Variants in GLI3 observed in about 807,000 individuals in gnomAD.
GLI3 encodes the protein GLI family zinc finger 3, also known as transcription activator GLI3.
Under a neutral mutation model 100.8 loss-of-function variants are expected in GLI3, and 20 were observed. The observed-to-expected ratio is 0.20, with a 90% CI of 0.14 to 0.29. GLI3 has a LOEUF of 0.29. Ranked by LOEUF, GLI3 falls within the 10% of genes least tolerant of loss-of-function variation. The pLI is 1.00. For missense variants in GLI3, 2,040 were observed against 2,128.5 expected (o/e 0.96, Z 0.82); for synonymous variants, 938 against 860.5 (o/e 1.09, Z -1.58).
chr7:41,997,318 C>T (rs1053448278), intron 10 of GLI3, among the ~76,000 whole-genome samples: 36 of 151,958 alleles, frequency 2.4e-4, no homozygotes, highest in Non-Finnish European at 4.1e-4. Context: ...AATTTTACAA[C>T]ACCCTTAAAA....
chr7:42,113,536 T>C (rs1785769613), intron 3 of GLI3: 2 of 1,178,716 alleles, frequency 1.7e-6, no homozygotes, highest in Non-Finnish European at 2.5e-6. Context: ...AAGCTGATGC[T>C]GGCAAGGAGG....
rs548577021 is a variant in GLI3, at chr7:42,085,072, C to T, written c.368-8215G>A. On this transcript the variant is annotated intron_variant, in intron 3 of 14. Transcript: ENST00000395925. ...GATTACAGGTGCCCACCACCACGCC[C>T]GGCTAATTTTTGTATTTTTAGTAGA... Among the ~76,000 whole-genome samples the T allele has an allele frequency of 2.4e-4, 36 of 151,854 alleles. 1 individual carries two copies. The South Asian group carries it at 4.4e-3, about 18-fold the overall frequency.
At position 42,068,702 on chromosome 7, in the gene GLI3, C is replaced by T. The variant is rs900757612; in HGVS notation, c.473+8050G>A. Among the ~76,000 whole-genome samples the T allele has an allele frequency of 3.0e-4, 46 of 152,220 alleles. 1 individual carries two copies. Among genetic ancestry groups the T allele is most frequent in the African/African-American group, 9.6e-4 (40 of 41,538 alleles). ...GGCCTTTGTTCCCCCGAGGAAAGGT[C>T]TGAAATGAACTCAGCTTGCAGTGTG... On this transcript the variant is annotated intron_variant, in intron 4 of 14. Transcript: ENST00000395925.
chr7:42,222,440 T>C lies in GLI3; in HGVS notation c.124+690A>G, dbSNP rs548955391. ...AAACAGCAGGGACAGGAAGTGAAGG[T>C]TACCATTAACATATTCAGTCTGTTT... On this transcript the variant is annotated intron_variant, in intron 2 of 14. Coordinates refer to ENST00000395925, the MANE Select transcript of GLI3 (RefSeq NM_000168.6). 2.0e-5 allele frequency among the ~76,000 whole-genome samples: 3 copies of C among 152,286 alleles called. No homozygotes were observed. In the South Asian group the frequency reaches 6.2e-4, roughly 32 times the overall value.
chr7:42,097,512 T>C (rs866194298), intron 3 of GLI3, among the ~76,000 whole-genome samples: 4 of 152,300 alleles, frequency 2.6e-5, no homozygotes, highest in South Asian at 2.1e-4. Context: ...GGAGCCCCCC[T>C]TCCCCTGGAC....
At chr7:41,987,330 A>C (rs1184698774) in intron 10 of GLI3, among the ~76,000 whole-genome samples, 4 of 151,888 alleles carry the variant, frequency 2.6e-5, no homozygotes, top group Non-Finnish European at 5.9e-5. Flanking sequence ...CACCACTCCC[A>C]GCTAATTTTT....
intron 2 of GLI3, among the ~76,000 whole-genome samples, chr7:42,159,517 A>G (rs1037680824): frequency 6.6e-6 from 1 of 152,246 alleles, no homozygotes; most frequent in African/African-American, 2.4e-5. Context: ...CAAATTTAAG[A>G]AAGTTTTCTC....
intron 4 of GLI3, among the ~76,000 whole-genome samples, chr7:42,065,513 C>G (rs1017156251): frequency 2.0e-5 from 3 of 152,094 alleles, no homozygotes; most frequent in Non-Finnish European, 4.4e-5. Context: ...GAGTTAAAAA[C>G]ATAGTTCATA....
chr7:42,227,072 G>A (rs558184076), intron 1 of GLI3, among the ~76,000 whole-genome samples: 1 of 152,232 alleles, frequency 6.6e-6, no homozygotes, highest in South Asian at 2.1e-4. Flanking sequence ...AAGCATCAAG[G>A]GAAAACGTTA....
intron 2 of GLI3, among the ~76,000 whole-genome samples, chr7:42,178,605 A>G (rs1352365467): frequency 6.6e-6 from 1 of 152,178 alleles, no homozygotes; most frequent in Non-Finnish European, 1.5e-5. Context: ...TTCAGCAAAC[A>G]TGTACTGAGC....
intron 3 of GLI3, among the ~76,000 whole-genome samples, chr7:42,088,883 C>A (rs557698491): frequency 6.6e-6 from 1 of 152,196 alleles, no homozygotes; most frequent in Non-Finnish European, 1.5e-5. Context: ...AGCTCTCTTG[C>A]GCACTTCCGC....
chr7:42,155,705 G>A (rs1314150938), intron 2 of GLI3, among the ~76,000 whole-genome samples: 1 of 152,100 alleles, frequency 6.6e-6, no homozygotes, highest in Non-Finnish European at 1.5e-5. Flanking sequence ...GGGATAGAAG[G>A]GAGTGGGCAG....
At chr7:42,129,683 C>A (rs1317368700) in intron 3 of GLI3, among the ~76,000 whole-genome samples, 6 of 152,074 alleles carry the variant, frequency 3.9e-5, no homozygotes, top group African/African-American at 1.4e-4. Flanking sequence ...AGGTGGCGGG[C>A]GCCTGTAATC....
intron 3 of GLI3, among the ~76,000 whole-genome samples, chr7:42,131,827 A>T (rs2128777395): frequency 6.6e-6 from 1 of 152,320 alleles, no homozygotes; most frequent in East Asian, 1.9e-4. Context: ...TATAATATCA[A>T]TATTGAAAGA....
At chr7:42,159,104 T>G (rs1415703389) in intron 2 of GLI3, among the ~76,000 whole-genome samples, 1 of 152,110 alleles carries the variant, frequency 6.6e-6, no homozygotes, top group Non-Finnish European at 1.5e-5. Flanking sequence ...GGTTTCCAGG[T>G]TCTGAATAGC....
chr7:42,018,712 T>G (rs1222111058), intron 10 of GLI3, among the ~76,000 whole-genome samples: 1 of 152,202 alleles, frequency 6.6e-6, no homozygotes, highest in African/African-American at 2.4e-5. Context: ...TAAAGGAAAC[T>G]TCAGCATGCT....
chr7:42,248,009 G>C (rs1788993017), intron 1 of GLI3, among the ~76,000 whole-genome samples: 1 of 152,172 alleles, frequency 6.6e-6, no homozygotes, highest in Non-Finnish European at 1.5e-5. Context: ...GAAATACAAT[G>C]AGTGTTTGTT....
chr7:42,103,173 T>C (rs66461226), intron 3 of GLI3, among the ~76,000 whole-genome samples: 21,457 of 151,990 alleles, frequency 0.14, 1,667 homozygotes, highest in African/African-American at 0.22. Context: ...ACCAGCTGAG[T>C]GTCCTCATGG....
At chr7:42,158,255 T>A (rs1456585588) in intron 2 of GLI3, among the ~76,000 whole-genome samples, 2 of 152,224 alleles carry the variant, frequency 1.3e-5, no homozygotes, top group Admixed American at 1.3e-4. Context: ...TTAATCCCAC[T>A]GAATCTTCAC....
Sources: allele counts gnomAD v4.1 joint callset (sites outside exome capture counted in the v4.1 genomes callset), GRCh38; gene constraint gnomAD v4.1.1; transcripts MANE v1.5; gene names NCBI Gene and HGNC (gene_info 2026-07-23, HGNC 2026-07-21).